MID1: variants seen among roughly 807,000 people sequenced by gnomAD.
MID1 encodes the protein midline 1, also known as E3 ubiquitin-protein ligase Midline-1.
Under a neutral mutation model 40.4 loss-of-function variants are expected in MID1, and 7 were observed. That is an observed-to-expected ratio of 0.17 (90% confidence interval 0.10 to 0.33). The LOEUF is 0.33. Among genes scored for constraint, MID1 ranks in the 10% least tolerant of loss-of-function variants. The pLI, the probability that MID1 is intolerant of heterozygous loss-of-function variation, is 1.00. For synonymous variants in MID1, 229 were observed against 221.2 expected, an observed-to-expected ratio of 1.04 and a Z score of -0.31; for missense variants, 367 against 558.5, an observed-to-expected ratio of 0.66 and a Z score of 3.46.
At chrX:10,480,945 G>A (rs73492974) in intron 5 of MID1, among the ~76,000 whole-genome samples, 3,152 of 112,201 alleles carry the variant, frequency 0.028, 87 homozygotes, top group African/African-American at 0.097. Context: ...ACAAGTTTCC[G>A]AAACAAGCAA....
intron 2 of MID1, among the ~76,000 whole-genome samples, chrX:10,549,452 C>T (rs1428952988): frequency 8.8e-6 from 1 of 113,282 alleles, no homozygotes; most frequent in Admixed American, 9.2e-5. Context: ...CGGCCAGTCA[C>T]CTATTTTTAT....
chrX:10,816,414 G>A (rs1319254859), intron 1 of MID1, among the ~76,000 whole-genome samples: 1 of 112,136 alleles, frequency 8.9e-6, no homozygotes, highest in Non-Finnish European at 1.9e-5. Context: ...TTTCCTCGGA[G>A]GCAGGAAACG....
chrX:10,661,981 C>A (rs1157490739), intron 1 of MID1, among the ~76,000 whole-genome samples: 2 of 112,161 alleles, frequency 1.8e-5, no homozygotes, highest in Non-Finnish European at 3.8e-5. Flanking sequence ...ATAATTGGAT[C>A]TCATTTCCTT....
intron 1 of MID1, among the ~76,000 whole-genome samples, chrX:10,639,557 CGG>C (rs1268407493): frequency 1.8e-5 from 2 of 111,696 alleles, no homozygotes; most frequent in African/African-American, 6.5e-5. Flanking sequence ...CTGAAAGTGA[CGG>C]GGAGAATGGA....
chrX:10,662,452 A>G (rs1450838174), intron 1 of MID1, among the ~76,000 whole-genome samples: 1 of 110,695 alleles, frequency 9.0e-6, no homozygotes, highest in Non-Finnish European at 1.9e-5. Context: ...ATATAGGACT[A>G]TCACAAACCA....
At chrX:10,617,414 C>T (rs1279546650) in intron 1 of MID1, among the ~76,000 whole-genome samples, 3 of 112,210 alleles carry the variant, frequency 2.7e-5, no homozygotes, top group Non-Finnish European at 5.6e-5. Context: ...GAATGCAGAA[C>T]GGGCTAACCA....
chrX:10,793,812 G>T (rs1305550452), intron 1 of MID1, among the ~76,000 whole-genome samples: 1 of 111,912 alleles, frequency 8.9e-6, no homozygotes, highest in African/African-American at 3.3e-5. Flanking sequence ...TGTCATTCAG[G>T]TCACCTCCAC....
At chrX:10,814,481 G>C (rs1024210622) in intron 1 of MID1, among the ~76,000 whole-genome samples, 6 of 110,329 alleles carry the variant, frequency 5.4e-5, no homozygotes, top group African/African-American at 2.0e-4. Context: ...AATATATAGA[G>C]ACCCCTTGCA....
In MID1 at chrX:10,762,372, C is replaced by T. The variant is rs146628822; in HGVS notation, c.-187+71182G>A. Among the ~76,000 whole-genome samples the T allele has an allele frequency of 9.8e-3, 1,093 of 111,554 alleles. 13 individuals are homozygous for T. The highest frequency in any genetic ancestry group is 0.033 in the African/African-American group (1,029 of 30,740). On this transcript the variant is annotated intron_variant, in intron 1 of 10. Transcript: ENST00000380785. ...GATGATTTACCAAAAATGGAAAGACCCACTGAGCTATTTATACTGCTCTGG... is the reference window on the plus strand; with the variant it reads ...GATGATTTACCAAAAATGGAAAGACTCACTGAGCTATTTATACTGCTCTGG...
intron 3 of MID1, among the ~76,000 whole-genome samples, chrX:10,500,641 T>C (rs1163310864): frequency 8.9e-6 from 1 of 112,396 alleles, no homozygotes; most frequent in East Asian, 2.8e-4. Context: ...TAATTTCTAT[T>C]AGTTCAAATA....
At chrX:10,822,750 T>C (rs1409878332) in intron 1 of MID1, among the ~76,000 whole-genome samples, 3 of 111,763 alleles carry the variant, frequency 2.7e-5, no homozygotes, top group Non-Finnish European at 5.7e-5. Flanking sequence ...AAGAGAGAAA[T>C]GCATATTAAA....
At chrX:10,467,204 T>TAATA (rs1929435446) in intron 7 of MID1, among the ~76,000 whole-genome samples, 3 of 111,979 alleles carry the variant, frequency 2.7e-5, no homozygotes, top group Admixed American at 1.9e-4. Context: ...ATCTCAGACA[T>TAATA]AATATTTATT....
intron 1 of MID1, among the ~76,000 whole-genome samples, chrX:10,650,043 G>C (rs1602495907): frequency 9.0e-6 from 1 of 111,423 alleles, no homozygotes; most frequent in African/African-American, 3.3e-5. Flanking sequence ...GAAAACAAAA[G>C]AGTTCAAAGA....
At chrX:10,478,445 TC>T (rs1470289254) in intron 5 of MID1, among the ~76,000 whole-genome samples, 1 of 112,038 alleles carries the variant, frequency 8.9e-6, no homozygotes, top group East Asian at 2.8e-4. Flanking sequence ...GAATAATTAG[TC>T]CCGTCTTACA....
intron 1 of MID1, among the ~76,000 whole-genome samples, chrX:10,729,878 A>T (rs1246796366): frequency 9.0e-6 from 1 of 110,620 alleles, no homozygotes; most frequent in Non-Finnish European, 1.9e-5. Context: ...AGGTCAGGAG[A>T]TCGAAACCAT....
At chrX:10,791,885 CT>C (rs1296937963) in intron 1 of MID1, among the ~76,000 whole-genome samples, 6 of 111,577 alleles carry the variant, frequency 5.4e-5, no homozygotes, top group Admixed American at 9.5e-5. Flanking sequence ...AATATTCTAA[CT>C]TTTTTTCATT....
chrX:10,578,765 AAATC>A (rs1934935128), intron 1 of MID1, among the ~76,000 whole-genome samples: 1 of 111,961 alleles, frequency 8.9e-6, no homozygotes, highest in East Asian at 2.8e-4. Context: ...GCAGAAGTCT[AAATC>A]AACCCTCCTG....
At chrX:10,551,891 T>A (rs1391231602) in intron 2 of MID1, among the ~76,000 whole-genome samples, 1 of 111,979 alleles carries the variant, frequency 8.9e-6, no homozygotes, top group Admixed American at 9.5e-5. Context: ...CAAGCAATCC[T>A]CCTGCTTCAG....
intron 3 of MID1, 83 bp from the exon 4 acceptor site, chrX:10,495,774 T>C: frequency 3.1e-6 from 2 of 637,084 alleles, no homozygotes; most frequent in Non-Finnish European, 5.3e-6. Context: ...CTAGGATGTT[T>C]CTAGTAATCT....
Sources: gnomAD v4.1 joint callset for allele counts (sites outside exome capture counted in the v4.1 genomes callset) on GRCh38, gnomAD v4.1.1 for gene constraint, MANE v1.5 for transcripts, NCBI Gene and HGNC (gene_info 2026-07-23, HGNC 2026-07-21) for gene names.